The following TFDP2 variants were observed in gnomAD, a reference collection of about 807,000 sequenced individuals.
TFDP2 encodes the protein transcription factor Dp-2, also known as transcription factor Dp-2 (E2F dimerization partner 2).
TFDP2 carries 17 observed loss-of-function variants against 59.3 expected under a neutral mutation model. The ratio of observed to expected loss-of-function variants is 0.29; its 90% CI spans 0.20 to 0.43. TFDP2 has a LOEUF of 0.43. TFDP2 is among the 20% of genes least tolerant of loss of function. TFDP2 has a pLI of 1.00. For synonymous variants in TFDP2, 180 were observed against 194.7 expected (o/e 0.92, Z 0.63); for missense variants, 391 against 528.8 (o/e 0.74, Z 2.56).
At chr3:142,032,294 G>A (rs1946468403) in intron 3 of TFDP2, among the ~76,000 whole-genome samples, 1 of 152,082 alleles carries the variant, frequency 6.6e-6, no homozygotes, top group Non-Finnish European at 1.5e-5. Context: ...TATAGAGACA[G>A]GGTTTTGCTA....
chr3:142,069,373 T>C lies in TFDP2; in HGVS notation c.82+23688A>G, dbSNP rs73872564. Among the ~76,000 whole-genome samples the C allele has an allele frequency of 1.9e-3, 294 of 152,356 alleles. 2 individuals are homozygous for C. The highest frequency in any genetic ancestry group is 6.7e-3 in the African/African-American group (278 of 41,586). ...ATTTACATTGTTTCCAATACTTTAC[T>C]ATTACATATTATACTGTAAAGATTA... is the stretch of plus-strand genomic sequence containing the variant. On this transcript the variant is annotated intron_variant, in intron 3 of 12. Coordinates refer to ENST00000489671, the MANE Select transcript of TFDP2 (RefSeq NM_001178139.2).
At chr3:141,968,847 GAT>G (rs1167056401) in intron 9 of TFDP2, among the ~76,000 whole-genome samples, 2 of 59,416 alleles carry the variant, frequency 3.4e-5, no homozygotes, top group Non-Finnish European at 5.8e-5. Flanking sequence ...CATATATATA[GAT>G]ATATATAACA....
At position 142,069,962 on chromosome 3, in the gene TFDP2, G is replaced by T. The variant is rs970230799; in HGVS notation, c.82+23099C>A. ...GCTCTGTTGCCCAGGCTGCAGTGCAGTGGCGTGATCTCGGCTCACTGCAAC... is the reference window on the plus strand; with the variant it reads ...GCTCTGTTGCCCAGGCTGCAGTGCATTGGCGTGATCTCGGCTCACTGCAAC... On this transcript the variant is annotated intron_variant, in intron 3 of 12. Transcript: ENST00000489671. 2.3e-4 allele frequency among the ~76,000 whole-genome samples: 35 copies of T among 151,226 alleles called. 2 individuals carry two copies. Among genetic ancestry groups the T allele is most frequent in the African/African-American group, 8.0e-4 (33 of 41,046 alleles).
intron 10 of TFDP2, among the ~76,000 whole-genome samples, chr3:141,962,630 G>C (rs933699002): frequency 1.3e-5 from 2 of 152,254 alleles, no homozygotes; most frequent in African/African-American, 4.8e-5. Flanking sequence ...AGAGTGCTGG[G>C]ATTACAGGTG....
intron 3 of TFDP2, among the ~76,000 whole-genome samples, chr3:142,027,893 A>T (rs1258807796): frequency 6.6e-6 from 1 of 152,116 alleles, no homozygotes; most frequent in African/African-American, 2.4e-5. Flanking sequence ...GCAGACACCA[A>T]ATGGTGCCAC....
chr3:142,033,320 G>C (rs929035321), intron 3 of TFDP2, among the ~76,000 whole-genome samples: 4 of 152,328 alleles, frequency 2.6e-5, no homozygotes, highest in African/African-American at 9.6e-5. Context: ...TGTAGATATA[G>C]AACATTTCCA....
At chr3:142,030,809 C>T (rs369239242) in intron 3 of TFDP2, among the ~76,000 whole-genome samples, 1 of 134,736 alleles carries the variant, frequency 7.4e-6, no homozygotes. Context: ...GTGGCGCGAT[C>T]TCGGCTCACT....
At chr3:142,004,374 C>T (rs1268130240) in intron 4 of TFDP2, among the ~76,000 whole-genome samples, 2 of 152,174 alleles carry the variant, frequency 1.3e-5, no homozygotes, top group Non-Finnish European at 2.9e-5. Flanking sequence ...ACATAGTCCA[C>T]AGTGCTGTTG....
At chr3:142,044,124 G>A in intron 3 of TFDP2, 1 of 606,954 alleles carries the variant, frequency 1.6e-6, no homozygotes, top group Non-Finnish European at 3.0e-6. Flanking sequence ...TCTCATTCGG[G>A]TCCAACCAGA....
intron 3 of TFDP2, among the ~76,000 whole-genome samples, chr3:142,014,200 G>C (rs1944944544): frequency 6.6e-6 from 1 of 152,184 alleles, no homozygotes; most frequent in East Asian, 1.9e-4. Flanking sequence ...CTGGAGAGCA[G>C]TGGCACTATC....
At chr3:142,065,816 A>C (rs904043474) in intron 3 of TFDP2, among the ~76,000 whole-genome samples, 1 of 152,048 alleles carries the variant, frequency 6.6e-6, no homozygotes, top group Non-Finnish European at 1.5e-5. Flanking sequence ...TTTTATTGAA[A>C]TAGCAACCAA....
At position 142,072,469 on chromosome 3, in the gene TFDP2, C is replaced by T. The variant is rs538115425; in HGVS notation, c.82+20592G>A. On this transcript the variant is annotated intron_variant, in intron 3 of 12. Transcript: ENST00000489671. ...TAAAACAGTGATTCAAAAAGAAAGG[C>T]ACCACTCCAGTAGCAATGAGCTCAT... Among the ~76,000 whole-genome samples, 6 of 152,286 alleles carry T rather than the reference C, an allele frequency of 3.9e-5. No individual in the cohort carries two copies. The South Asian group carries it at 1.2e-3, about 32-fold the overall frequency.
intron 3 of TFDP2, among the ~76,000 whole-genome samples, chr3:142,091,171 C>T (rs1173196219): frequency 2.0e-5 from 3 of 152,130 alleles, no homozygotes; most frequent in African/African-American, 7.2e-5. Flanking sequence ...CCTTAAGCAG[C>T]CTTTTTGTTT....
intron 3 of TFDP2, among the ~76,000 whole-genome samples, chr3:142,084,872 G>A (rs1378349579): frequency 6.6e-6 from 1 of 151,180 alleles, no homozygotes; most frequent in African/African-American, 2.4e-5. Flanking sequence ...GGTGATTAAC[G>A]AGTACAAAAA....
chr3:141,978,672 T>G lies in TFDP2; in HGVS notation c.367A>C (p.Lys123Gln), dbSNP rs1009540606. 1 of 1,606,784 alleles carries G rather than the reference T, an allele frequency of 6.2e-7. No homozygotes were observed. The highest frequency in any genetic ancestry group is 8.5e-7 in the Non-Finnish European group (1 of 1,178,288). Residue 123 changes from lysine (K) to glutamine (Q), a missense_variant, in exon 7 of 13, where the codon AAA (lysine) becomes CAA (glutamine). Around this residue, in one of 3 missense-constraint regions of TFDP2, gnomAD observed 162 missense variants for 206.8 expected, o/e 0.78. Coordinates refer to ENST00000489671, the MANE Select transcript of TFDP2 (RefSeq NM_001178139.2). ...CCTTTCCCATTTTTATCTCCTTTTT[T>G]GCTTCGTTTACTAGAAGGGAAAAAA... ...DSDFSESKRS[K>Q]KGDKNGKGLR...
chr3:141,975,216 T>G (rs1359423523), intron 7 of TFDP2, among the ~76,000 whole-genome samples: 8 of 151,778 alleles, frequency 5.3e-5, no homozygotes, highest in African/African-American at 1.9e-4. Flanking sequence ...CCGGCCTTTT[T>G]CTTCTATTTT....
At chr3:141,968,790 A>G (rs1263681388) in intron 9 of TFDP2, among the ~76,000 whole-genome samples, 1 of 75,352 alleles carries the variant, frequency 1.3e-5, no homozygotes, top group Non-Finnish European at 2.5e-5. Context: ...AGATATATAT[A>G]ACACATATAT....
chr3:142,114,034 G>T (rs193038960), intron 1 of TFDP2, among the ~76,000 whole-genome samples: 17 of 152,182 alleles, frequency 1.1e-4, no homozygotes, highest in Admixed American at 1.1e-3. Context: ...GCGTGATGGC[G>T]GGCGCCTGTA....
In TFDP2 at chr3:142,029,343, C is replaced by CT. The variant is rs200891038; in HGVS notation, c.83-23800dup. Among the ~76,000 whole-genome samples, 236 of 142,912 alleles carry CT rather than the reference C, an allele frequency of 1.7e-3. 1 individual carries two copies. The highest frequency in any genetic ancestry group is 3.6e-3 in the Middle Eastern group (1 of 276). 93.8% of individuals were successfully genotyped at this position (142,912 alleles called of 152,430 possible). ...ATCAACAAAGAGCAGCTTAGTTGTG[C>CT]TTTTTTTTTTTTTCCACTTTCCCAC... On this transcript the variant is annotated intron_variant, in intron 3 of 12. Transcript: ENST00000489671.
Sources: gnomAD v4.1 joint callset for allele counts (sites outside exome capture counted in the v4.1 genomes callset) on GRCh38, gnomAD v4.1.1 for gene constraint, gnomAD v4.1.1 regional missense constraint, MANE v1.5 for transcripts, NCBI Gene and HGNC (gene_info 2026-07-23, HGNC 2026-07-21) for gene names.